CERKL: variants seen among roughly 807,000 people sequenced by gnomAD.
The protein encoded by CERKL is CERK like autophagy regulator.
CERKL carries 61 observed loss-of-function variants against 63.4 expected under a neutral mutation model. That is an observed-to-expected ratio of 0.96 (90% CI 0.78 to 1.19). The LOEUF (loss-of-function observed/expected upper bound fraction) is 1.19. Ranked by LOEUF, CERKL falls within the 50% of genes most tolerant of loss-of-function variation. The pLI is 0.00. For synonymous variants in CERKL, 250 were observed against 230.5 expected (o/e 1.08, Z -0.77); for missense variants, 675 against 655.5 (o/e 1.03, Z -0.33).
At chr2:181,638,707 T>C (rs1289571185) in intron 1 of CERKL, among the ~76,000 whole-genome samples, 1 of 152,086 alleles carries the variant, frequency 6.6e-6, no homozygotes, top group Non-Finnish European at 1.5e-5. Flanking sequence ...GGAGTTGAGG[T>C]CCTACATTTC....
At chr2:181,631,581 T>C (rs1686960969) in intron 1 of CERKL, among the ~76,000 whole-genome samples, 1 of 152,138 alleles carries the variant, frequency 6.6e-6, no homozygotes, top group Non-Finnish European at 1.5e-5. Context: ...CTAATGCTGC[T>C]TTCCACATGA....
chr2:181,540,560 T>G (rs969148077), intron 11 of CERKL, among the ~76,000 whole-genome samples: 2 of 152,140 alleles, frequency 1.3e-5, no homozygotes, highest in East Asian at 3.9e-4. Context: ...GATGGCAGAG[T>G]CAGAGACTGG....
intron 2 of CERKL, among the ~76,000 whole-genome samples, chr2:181,592,074 G>A (rs16867450): frequency 0.2 from 30,084 of 151,938 alleles, 5,020 homozygotes; most frequent in African/African-American, 0.46. Context: ...TATCTCAAAG[G>A]AAACTCAATT....
intron 1 of CERKL, among the ~76,000 whole-genome samples, chr2:181,626,899 G>A (rs1463499695): frequency 6.6e-6 from 1 of 152,200 alleles, no homozygotes. Context: ...TCACTGGCTG[G>A]AAGCCAGTTT....
rs59483712 is a variant in CERKL at position 181,582,516 on chromosome 2, C to CATATAT, written c.482-8638_482-8633dup. On this transcript the variant is annotated intron_variant, in intron 2 of 12. Coordinates refer to ENST00000410087, the MANE Select transcript of CERKL (RefSeq NM_201548.5). Reference sequence around the variant, plus strand: ...TTTTATTCAACTGAAATATTGTCAACATATATATATATATATATATGTTTT... The same window carrying CATATAT: ...TTTTATTCAACTGAAATATTGTCAACATATATATATATATATATATATATATGTTTT... Among the ~76,000 whole-genome samples, 6 of 142,934 alleles carry CATATAT rather than the reference C, an allele frequency of 4.2e-5. No individual in the cohort carries two copies. In the South Asian group the frequency reaches 6.7e-4, roughly 16 times the overall value. The allele number at this position is 142,934 out of a possible 152,430, so 93.8% of individuals were successfully genotyped here.
At position 181,609,533 on chromosome 2, in the gene CERKL, T is replaced by TAAAAAAAAAAAAAAAAAAAAAAAAAAAA. The variant is rs869037405; in HGVS notation, c.239-5455_239-5454insTTTTTTTTTTTTTTTTTTTTTTTTTTTT. On this transcript the variant is annotated intron_variant, in intron 1 of 12. Transcript: ENST00000410087. ...CACCATGGTGAAACCCTGTCTCTAC[T>TAAAAAAAAAAAAAAAAAAAAAAAAAAAA]AAAAAAAAAAAAAAAAAAAAAAATT... is the stretch of plus-strand genomic sequence containing the variant. Among the ~76,000 whole-genome samples the TAAAAAAAAAAAAAAAAAAAAAAAAAAAA allele has an allele frequency of 5.7e-5, 4 of 70,226 alleles. 1 individual carries two copies. Among genetic ancestry groups the TAAAAAAAAAAAAAAAAAAAAAAAAAAAA allele is most frequent in the East Asian group, 1.5e-3 (2 of 1,374 alleles). 46.1% of individuals were successfully genotyped at this position (70,226 alleles called of 152,430 possible). A position where few individuals can be genotyped will look rare whatever the true frequency, so the allele number is the denominator to read the frequency against.
At chr2:181,543,201 A>C (rs1687582865) in intron 11 of CERKL, among the ~76,000 whole-genome samples, 1 of 152,120 alleles carries the variant, frequency 6.6e-6, no homozygotes, top group Admixed American at 6.5e-5. Context: ...CTTTAAAATC[A>C]TTTTCTTGTT....
At chr2:181,605,636 C>CA (rs946950556) in intron 1 of CERKL, among the ~76,000 whole-genome samples, 26 of 151,774 alleles carry the variant, frequency 1.7e-4, no homozygotes, top group African/African-American at 6.0e-4. Context: ...AGAACAATGC[C>CA]AAAAAAATAT....
intron 2 of CERKL, among the ~76,000 whole-genome samples, chr2:181,583,338 A>G (rs1444450880): frequency 1.3e-5 from 2 of 152,172 alleles, no homozygotes; most frequent in African/African-American, 2.4e-5. Flanking sequence ...GTTTCACATG[A>G]AACATTACAA....
At chr2:181,625,472 G>A (rs1379414224) in intron 1 of CERKL, among the ~76,000 whole-genome samples, 1 of 152,108 alleles carries the variant, frequency 6.6e-6, no homozygotes, top group African/African-American at 2.4e-5. Flanking sequence ...ATATGAAAAT[G>A]TAGAAGACAA....
At position 181,550,613 on chromosome 2, in the gene CERKL, G is replaced by A. The variant is rs930055389; in HGVS notation, c.821-905C>T. Among the ~76,000 whole-genome samples, 8 of 152,106 alleles carry A rather than the reference G, an allele frequency of 5.3e-5. No homozygotes were observed. Among genetic ancestry groups the A allele is most frequent in the African/African-American group, 1.7e-4 (7 of 41,422 alleles). The stretch of plus-strand genomic sequence containing the variant: ...TGAAACCATGCATGTGGTGTGTTCC[G>A]GTTATGAAGGCAAAGACCAGTCCTC... On this transcript the variant is annotated intron_variant, in intron 5 of 12. Transcript: ENST00000410087. This position sits in a 1 kb window ranked among gnomAD's most constrained non-coding sequence, Gnocchi z 4.5.
chr2:181,656,829 C>A lies in CERKL; in HGVS notation c.178G>T (p.Asp60Tyr). The A allele has an allele frequency of 6.2e-7, 1 of 1,603,160 alleles. No homozygotes were observed. The highest frequency in any genetic ancestry group is 1.7e-5 in the Admixed American group (1 of 59,644). Residue 60 changes from aspartate (D) to tyrosine (Y), a missense_variant, in exon 1 of 13, where the codon GAC (aspartate) becomes TAC (tyrosine). Coordinates refer to ENST00000410087, the MANE Select transcript of CERKL (RefSeq NM_201548.5). ...AGTGCTCGCTCGCTCAGCACCACGT[C>A]ACAACTGTCCCTCCCGATCTCGAAG... ...GIFEIGRDSC[D>Y]VVLSERALRW... is the part of the protein sequence containing the mutation.
Position 181,566,103 on chromosome 2 carries a change from T to C in CERKL, c.632A>G (p.His211Arg), listed in dbSNP as rs368386427. ...TDVTIMEYEG[H>R]ALSLLKECEL... is the part of the protein sequence containing the mutation. Reference sequence around the variant, plus strand: ...ACATTCCTTAAGCAGTGACAGAGCGTGCCCTTCATATTCCATTACTATTAA... The same window carrying C: ...ACATTCCTTAAGCAGTGACAGAGCGCGCCCTTCATATTCCATTACTATTAA... Residue 211 changes from histidine (H) to arginine (R), a missense_variant, in exon 4 of 13, where the codon CAC becomes CGC. His to Arg is a conservative substitution (Grantham distance 29). Coordinates refer to ENST00000410087, the MANE Select transcript of CERKL (RefSeq NM_201548.5). 6 of 1,611,154 alleles carry C rather than the reference T, an allele frequency of 3.7e-6. No individual in the cohort carries two copies. The African/African-American group carries it at 8.0e-5, about 22-fold the overall frequency.
chr2:181,616,400 G>C (rs539720263), intron 1 of CERKL, among the ~76,000 whole-genome samples: 3 of 151,918 alleles, frequency 2.0e-5, no homozygotes, highest in South Asian at 2.1e-4. Flanking sequence ...TTTTAGTAGA[G>C]ACGGTGTTTC....
intron 2 of CERKL, among the ~76,000 whole-genome samples, chr2:181,574,843 T>C (rs994459069): frequency 1.4e-4 from 21 of 152,224 alleles, no homozygotes; most frequent in Non-Finnish European, 2.9e-5. Context: ...GAGAATATTT[T>C]ACTTCTCATT....
chr2:181,568,670 CTTT>C (rs55645686), intron 3 of CERKL, among the ~76,000 whole-genome samples: 1 of 144,042 alleles, frequency 6.9e-6, no homozygotes, highest in East Asian at 2.0e-4. Context: ...GGAGTATTTT[CTTT>C]TTTTTTTTTT....
In CERKL at chr2:181,536,743, G is replaced by A. The variant is rs977520250; in HGVS notation, c.*1441C>T. On this transcript the variant is annotated 3_prime_UTR_variant, in exon 13 of 13. Coordinates refer to ENST00000410087, the MANE Select transcript of CERKL (RefSeq NM_201548.5). ...AGGTTCTATTTTAAATGACTTTCTGGATTTTAAAAAATTTCTTTAAATACA... is the reference window on the plus strand; with the variant it reads ...AGGTTCTATTTTAAATGACTTTCTGAATTTTAAAAAATTTCTTTAAATACA... 4.1e-6 allele frequency: 1 copy of A among 245,536 alleles called. No homozygotes were observed. Among genetic ancestry groups the A allele is most frequent in the African/African-American group, 2.3e-5 (1 of 43,418 alleles). The allele number at this position is 245,536 out of a possible 1,614,324, so 15.2% of individuals were successfully genotyped here.
chr2:181,537,405 A>ATAGTATTTGTTAT lies in CERKL; in HGVS notation c.*766_*778dup, dbSNP rs1553511280. On this transcript the variant is annotated 3_prime_UTR_variant, in exon 13 of 13. Coordinates refer to ENST00000410087, the MANE Select transcript of CERKL (RefSeq NM_201548.5). ...TGGGCTAGATTTTGCCCAGTTCAAA[A>ATAGTATTTGTTAT]TAGTATTTGTTATCAACTTACTTTG... 9 of 450,118 alleles carry ATAGTATTTGTTAT rather than the reference A, an allele frequency of 2.0e-5. No homozygotes were observed. The highest frequency in any genetic ancestry group is 1.6e-4 in the African/African-American group (8 of 49,808). 27.9% of individuals were successfully genotyped at this position (450,118 alleles called of 1,614,324 possible).
chr2:181,569,227 A>C (rs373718317), intron 3 of CERKL, among the ~76,000 whole-genome samples: 20 of 152,334 alleles, frequency 1.3e-4, no homozygotes, highest in African/African-American at 4.6e-4. Context: ...TTTAAGAGGT[A>C]ACAAAAAGAA....
Sources: allele counts gnomAD v4.1 joint callset (sites outside exome capture counted in the v4.1 genomes callset), GRCh38; gene constraint gnomAD v4.1.1; non-coding constraint Gnocchi (gnomAD v3.1); transcripts MANE v1.5; gene names NCBI Gene and HGNC (gene_info 2026-07-23, HGNC 2026-07-21).